CAPN11: variants seen among roughly 807,000 people sequenced by gnomAD.
CAPN11 encodes the protein calpain 11.
Under a neutral mutation model 105.3 loss-of-function variants are expected in CAPN11, and 108 were observed. The observed-to-expected ratio is 1.03, with a 90% CI of 0.88 to 1.20. The LOEUF (loss-of-function observed/expected upper bound fraction) is 1.20. Ranked by LOEUF, CAPN11 falls within the 50% of genes most tolerant of loss-of-function variation. CAPN11 has a pLI of 0.00. For missense variants in CAPN11, 883 were observed against 924.8 expected (o/e 0.95, Z 0.59); for synonymous variants, 329 against 344.5 (o/e 0.96, Z 0.50).
intron 21 of CAPN11, 23 bp from the exon 22 acceptor site, chr6:44,183,682 C>T: frequency 1.1e-5 from 17 of 1,612,154 alleles, no homozygotes; most frequent in Non-Finnish European, 1.4e-5. Flanking sequence ...CAGCCCCTCT[C>T]CCCCGCTTCC....
In CAPN11 at chr6:44,181,269, G is replaced by C. The variant is rs764706097; in HGVS notation, c.1887G>C (p.Lys629Asn). Residue 629 changes from lysine (K) to asparagine (N), a missense_variant, in exon 19 of 23, where the codon AAG (lysine) becomes AAC (asparagine). By Grantham distance (94) the Lys-to-Asn change is moderately conservative (BLOSUM62 0). Coordinates refer to ENST00000398776, the MANE Select transcript of CAPN11 (RefSeq NM_007058.4). ...CCTTCCAGAAAGATGGCTCTGGCAA[G>C]CTGGGGCTTCTAGAGTTCAAGATCC... ...INLMDKDGSG[K>N]LGLLEFKILW... 8 of 1,613,558 alleles carry C rather than the reference G, an allele frequency of 5.0e-6. No individual in the cohort carries two copies. In the South Asian group the frequency reaches 8.8e-5, roughly 18 times the overall value.
chr6:44,177,560 T>C, intron 12 of CAPN11, 140 bp downstream of exon 12: 1 of 759,888 alleles, frequency 1.3e-6, no homozygotes, highest in South Asian at 1.9e-5. Context: ...CAATCTCCAT[T>C]CACTGCAACC....
chr6:44,160,998 G>C (rs1768680514), intron 1 of CAPN11, among the ~76,000 whole-genome samples: 1 of 152,096 alleles, frequency 6.6e-6, no homozygotes, highest in Non-Finnish European at 1.5e-5. Context: ...GCAGTTTCAG[G>C]TGTCCACTGG....
chr6:44,167,595 CCCT>C (rs1770178465), intron 2 of CAPN11, among the ~76,000 whole-genome samples: 1 of 149,762 alleles, frequency 6.7e-6, no homozygotes, highest in East Asian at 2.0e-4. Context: ...AATTCAAATA[CCCT>C]ACAGTTCACC....
chr6:44,173,412 G>A (rs780323994), intron 7 of CAPN11, 26 bp downstream of exon 7: 2 of 1,502,216 alleles, frequency 1.3e-6, no homozygotes, highest in South Asian at 2.3e-5. Context: ...TCCCACCTCA[G>A]GGCCTTTGCA....
At chr6:44,165,676 A>G (rs3757275) in intron 1 of CAPN11, among the ~76,000 whole-genome samples, 116,569 of 152,050 alleles carry the variant, frequency 0.77, 45,488 homozygotes, top group African/African-American at 0.92. Flanking sequence ...GAGCTCAGGA[A>G]AGCTGCTTGG....
chr6:44,176,547 G>A (rs1171378503), intron 9 of CAPN11, 34 bp from the exon 10 acceptor site: 17 of 1,594,946 alleles, frequency 1.1e-5, no homozygotes, highest in Middle Eastern at 1.7e-4. Flanking sequence ...CATGACCTCC[G>A]CCCCTCTCCT....
At chr6:44,179,843 G>A in intron 13 of CAPN11, 109 bp from the exon 14 acceptor site, 2 of 944,566 alleles carry the variant, frequency 2.1e-6, no homozygotes, top group Non-Finnish European at 3.4e-6. Flanking sequence ...CAGGTCAGTT[G>A]GTGGTGGCAC....
chr6:44,169,481 C>G lies in CAPN11; in HGVS notation c.289C>G (p.Leu97Val). The G allele has an allele frequency of 6.2e-7, 1 of 1,607,402 alleles. No homozygotes were observed. Among genetic ancestry groups the G allele is most frequent in the Non-Finnish European group, 8.5e-7 (1 of 1,177,100 alleles). ...ACCCAGCTCACTGGGCTTCAAGGAC[C>G]TGGGCCCCAACTCCAAAAATGTGCA... ...AEPSSLGFKD[L>V]GPNSKNVQNI... The change falls in exon 3 of 23, where the codon CTG (leucine) becomes GTG (valine). Residue 97 changes from leucine (L) to valine (V), a missense_variant. Coordinates refer to ENST00000398776, the MANE Select transcript of CAPN11 (RefSeq NM_007058.4).
Position 44,181,282 on chromosome 6 carries a change from G to T in CAPN11, c.1900G>T (p.Glu634Ter), listed in dbSNP as rs757625910. Reference sequence around the variant, plus strand: ...TGGCTCTGGCAAGCTGGGGCTTCTAGAGTTCAAGATCCTGTGGAAAAAACT... The same window carrying T: ...TGGCTCTGGCAAGCTGGGGCTTCTATAGTTCAAGATCCTGTGGAAAAAACT... Reference protein sequence around the residue: ...KDGSGKLGLLEFKILWKKLKK... With the variant: ...KDGSGKLGLL The change falls in exon 19 of 23, where the codon GAG (glutamate) becomes TAG (stop). Residue 634 changes from glutamate (E) to a stop codon, truncating the protein, a stop_gained. Transcript: ENST00000398776. LOFTEE classifies it high-confidence loss of function. The T allele has an allele frequency of 5.0e-6, 8 of 1,613,414 alleles. No homozygotes were observed. Among genetic ancestry groups the T allele is most frequent in the Non-Finnish European group, 6.8e-6 (8 of 1,179,626 alleles).
In CAPN11 at chr6:44,183,932, G is replaced by A; in HGVS notation, c.2220G>A (p.Ter740=). 1.9e-6 allele frequency: 3 copies of A among 1,554,984 alleles called. No individual in the cohort carries two copies. Among genetic ancestry groups the A allele is most frequent in the Non-Finnish European group, 2.6e-6 (3 of 1,148,880 alleles). ...GGCTGCAGATGACCATGTGGGGATA[G>A]AGGCGCTGTAGGAGCCTGGTCATCT... ...EQWLQMTMWG[*] is the part of the protein sequence containing the mutation. The change falls in exon 23 of 23, where the codon TAG becomes TAA. Residue 740 remains the stop codon, a stop_retained_variant. Coordinates refer to ENST00000398776, the MANE Select transcript of CAPN11 (RefSeq NM_007058.4).
At chr6:44,159,973 A>C (rs1259319070) in intron 1 of CAPN11, among the ~76,000 whole-genome samples, 1 of 152,044 alleles carries the variant, frequency 6.6e-6, no homozygotes, top group East Asian at 1.9e-4. Context: ...TGTCTCTACT[A>C]AAATACAAAA....
chr6:44,166,077 G>A (rs565252293), intron 1 of CAPN11, among the ~76,000 whole-genome samples: 1 of 152,188 alleles, frequency 6.6e-6, no homozygotes, highest in Admixed American at 6.5e-5. Context: ...GATCTTGGGG[G>A]ACCAGGAGAA....
rs751623924 is a variant in CAPN11, at chr6:44,169,954, G to C, written c.388G>C (p.Asp130His). ...LFIMDGISPTDICQGILGDCW... is the reference protein window; with the variant it reads ...LFIMDGISPTHICQGILGDCW... ...CATCATGGATGGGATTTCTCCAACA[G>C]ACATCTGCCAGGGGATCCTCGGTGA... Residue 130 changes from aspartate to histidine, a missense_variant, in exon 4 of 23, where the codon GAC (aspartate) becomes CAC (histidine). Asp to His is a moderately conservative substitution (Grantham distance 81). Coordinates refer to ENST00000398776, the MANE Select transcript of CAPN11 (RefSeq NM_007058.4). 22 of 1,611,854 alleles carry C rather than the reference G, an allele frequency of 1.4e-5. 1 individual carries two copies. In the South Asian group the frequency reaches 2.2e-4, roughly 16 times the overall value.
rs769224788 is a variant in CAPN11, at chr6:44,176,048, C to T, written c.832-20C>T. On this transcript the variant is annotated intron_variant, in intron 7 of 22. Coordinates refer to ENST00000398776, the MANE Select transcript of CAPN11 (RefSeq NM_007058.4). ...TGCCCTCCATGCCCTCCATGCTCTC[C>T]CTCCCTCTCTGTTCTGTAGGTCACC... 1 of 1,578,118 alleles carries T rather than the reference C, an allele frequency of 6.3e-7. No homozygotes were observed. Among genetic ancestry groups the T allele is most frequent in the African/African-American group, 1.3e-5 (1 of 74,226 alleles).
In CAPN11 at chr6:44,178,749, T is replaced by TAAAAAAAAAA. The variant is rs1561850887; in HGVS notation, c.1417-870_1417-869insAAAAAAAAAA. Reference sequence around the variant, plus strand: ...GCAACACAGCAAGACCCTGTCTCGATTAAAAAAAAAAAAAAAAAAAAAAAT... The same window carrying TAAAAAAAAAA: ...GCAACACAGCAAGACCCTGTCTCGATAAAAAAAAAATAAAAAAAAAAAAAAAAAAAAAAAT... On this transcript the variant is annotated intron_variant, in intron 12 of 22. Transcript: ENST00000398776. Among the ~76,000 whole-genome samples the TAAAAAAAAAA allele has an allele frequency of 1.7e-3, 119 of 70,282 alleles. 3 individuals carry two copies. Among genetic ancestry groups the TAAAAAAAAAA allele is most frequent in the Non-Finnish European group, 2.2e-3 (78 of 34,906 alleles). The allele number at this position is 70,282 out of a possible 152,430, so 46.1% of individuals were successfully genotyped here.
Position 44,172,386 on chromosome 6 carries a change from T to G in CAPN11, c.494T>G (p.Phe165Cys). 1 of 1,559,672 alleles carries G rather than the reference T, an allele frequency of 6.4e-7. No individual in the cohort carries two copies. Among genetic ancestry groups the G allele is most frequent in the Admixed American group, 1.9e-5 (1 of 52,016 alleles). ...CGCGTGGTGCCCAGAGGACAGAGCT[T>G]CAAGAAAAACTATGCTGGCATCTTC... ...LYRVVPRGQS[F>C]KKNYAGIFHF... Residue 165 changes from phenylalanine to cysteine, a missense_variant, in exon 5 of 23, where the codon TTC becomes TGC. Coordinates refer to ENST00000398776, the MANE Select transcript of CAPN11 (RefSeq NM_007058.4).
intron 2 of CAPN11, among the ~76,000 whole-genome samples, chr6:44,167,879 G>A (rs1473237680): frequency 2.0e-5 from 3 of 150,884 alleles, no homozygotes. Flanking sequence ...TCAAGCCACT[G>A]TACTCCAGCC....
chr6:44,177,643 T>C (rs981201318), intron 12 of CAPN11: 31 of 524,282 alleles, frequency 5.9e-5, no homozygotes, highest in South Asian at 9.4e-5. Flanking sequence ...TGCACCACCA[T>C]GCCCAGCTAA....
Sources: allele counts gnomAD v4.1 joint callset (sites outside exome capture counted in the v4.1 genomes callset), GRCh38; gene constraint gnomAD v4.1.1; transcripts MANE v1.5; gene names NCBI Gene and HGNC (gene_info 2026-07-23, HGNC 2026-07-21).